Variants in NCOA7 observed in about 807,000 individuals in gnomAD.
The protein encoded by NCOA7 is 140 kDa estrogen receptor-associated protein.
Under a neutral mutation model 104.3 loss-of-function variants are expected in NCOA7, and 45 were observed. That is an observed-to-expected ratio of 0.43 (90% CI 0.34 to 0.55). The LOEUF (loss-of-function observed/expected upper bound fraction) is 0.55. Ranked by LOEUF, NCOA7 falls within the 20% of genes least tolerant of loss-of-function variation. The probability of loss-of-function intolerance (pLI) is 0.02; values close to 1 mark genes in which losing one functional copy is unlikely to be tolerated. For synonymous variants in NCOA7, 398 were observed against 402.3 expected (o/e 0.99, Z 0.13); for missense variants, 1,041 against 1,119.7 (o/e 0.93, Z 1.00).
At chr6:125,825,190 A>AG (rs1171683770) in intron 2 of NCOA7, among the ~76,000 whole-genome samples, 1 of 151,694 alleles carries the variant, frequency 6.6e-6, no homozygotes, top group East Asian at 1.9e-4. Context: ...AAAAAAAAAA[A>AG]AAAGCCAGAC....
chr6:125,835,594 A>C (rs1009820517), intron 2 of NCOA7, among the ~76,000 whole-genome samples: 2 of 152,248 alleles, frequency 1.3e-5, no homozygotes, highest in African/African-American at 2.4e-5. Context: ...ATGCAACAGC[A>C]GGCAAAGCAA....
chr6:125,820,910 A>G (rs1778119091), intron 2 of NCOA7, among the ~76,000 whole-genome samples: 1 of 152,152 alleles, frequency 6.6e-6, no homozygotes, highest in Non-Finnish European at 1.5e-5. Flanking sequence ...GAGAAACCTA[A>G]CAGTCTTTTA....
At chr6:125,921,211 AC>A in intron 12 of NCOA7, 143 bp downstream of exon 12, 2 of 1,108,460 alleles carry the variant, frequency 1.8e-6, no homozygotes, top group Non-Finnish European at 1.2e-6. Flanking sequence ...GGAGTTTGAG[AC>A]CAGACTGGAC....
At chr6:125,918,053 C>T (rs1184785043) in intron 11 of NCOA7, among the ~76,000 whole-genome samples, 1 of 152,160 alleles carries the variant, frequency 6.6e-6, no homozygotes, top group African/African-American at 2.4e-5. Context: ...GGGAGACCAC[C>T]TGGGGAGACA....
At chr6:125,894,353 A>G (rs1005919222) in intron 10 of NCOA7, among the ~76,000 whole-genome samples, 4 of 152,132 alleles carry the variant, frequency 2.6e-5, no homozygotes, top group Non-Finnish European at 4.4e-5. Flanking sequence ...CCTCTGTACC[A>G]TTCTGAAAGT....
At chr6:125,902,495 T>A (rs1249128729) in intron 10 of NCOA7, among the ~76,000 whole-genome samples, 10 of 148,992 alleles carry the variant, frequency 6.7e-5, no homozygotes, top group Admixed American at 6.0e-4. Flanking sequence ...TTTTTTTTTT[T>A]AAAGTGGGGA....
chr6:125,878,693 A>T (rs146157529), intron 5 of NCOA7, among the ~76,000 whole-genome samples: 1 of 152,020 alleles, frequency 6.6e-6, no homozygotes, highest in African/African-American at 2.4e-5. Flanking sequence ...CGATATTTTC[A>T]TATTCACAGG....
intron 10 of NCOA7, among the ~76,000 whole-genome samples, chr6:125,895,987 GTGTC>G (rs1204555774): frequency 6.8e-6 from 1 of 146,298 alleles, no homozygotes; most frequent in Non-Finnish European, 1.5e-5. Context: ...GTGTGTGTGT[GTGTC>G]TGTGTGTGTA....
chr6:125,850,410 T>G (rs1240661768), intron 2 of NCOA7, among the ~76,000 whole-genome samples: 4 of 152,238 alleles, frequency 2.6e-5, no homozygotes, highest in African/African-American at 9.6e-5. Flanking sequence ...TAGCTTTTTT[T>G]CTGAAGTAAC....
At chr6:125,899,287 G>C (rs1371101424) in intron 10 of NCOA7, among the ~76,000 whole-genome samples, 7 of 152,168 alleles carry the variant, frequency 4.6e-5, no homozygotes, top group African/African-American at 1.4e-4. Context: ...TAGTTTTCTA[G>C]CATGAAATCT....
At chr6:125,812,915 C>G (rs941001227) in intron 1 of NCOA7, among the ~76,000 whole-genome samples, 10 of 152,196 alleles carry the variant, frequency 6.6e-5, no homozygotes, top group Admixed American at 3.3e-4. Flanking sequence ...TCATCAGTCT[C>G]CTAAGTATTT....
At chr6:125,827,116 G>A (rs1283050154) in intron 2 of NCOA7, among the ~76,000 whole-genome samples, 1 of 149,452 alleles carries the variant, frequency 6.7e-6, no homozygotes, top group African/African-American at 2.5e-5. Flanking sequence ...GAACCCCGGA[G>A]GCAGAGGTTG....
intron 5 of NCOA7, among the ~76,000 whole-genome samples, chr6:125,878,893 G>C (rs776579114): frequency 6.6e-6 from 1 of 152,200 alleles, no homozygotes; most frequent in Non-Finnish European, 1.5e-5. Flanking sequence ...TGTTGAGGTA[G>C]CACATGTTCT....
chr6:125,847,110 ATG>A (rs1306168565), intron 2 of NCOA7, among the ~76,000 whole-genome samples: 1 of 152,232 alleles, frequency 6.6e-6, no homozygotes, highest in Non-Finnish European at 1.5e-5. Flanking sequence ...AAAATTCAAA[ATG>A]TACAAATGAG....
Position 125,889,301 on chromosome 6 carries a change from T to A in NCOA7, c.1247T>A (p.Phe416Tyr). 1.2e-6 allele frequency: 2 copies of A among 1,614,174 alleles called. No individual in the cohort carries two copies. Among genetic ancestry groups the A allele is most frequent in the Non-Finnish European group, 1.7e-6 (2 of 1,180,008 alleles). ...AACTTTCTAGGGGAAGATGATGATT[T>A]TGTTGACTTGGAAGAACTTTCTTCT... ...KENFLGEDDDFVDLEELSSQT... is the reference protein window; with the variant it reads ...KENFLGEDDDYVDLEELSSQT... The change falls in exon 9 of 16, where the codon TTT becomes TAT. Residue 416 changes from phenylalanine to tyrosine, a missense_variant. This residue lies in a region of NCOA7 where 914 missense variants were observed against 942.7 expected (regional missense o/e 0.97). Coordinates refer to ENST00000392477, the MANE Select transcript of NCOA7 (RefSeq NM_181782.5).
chr6:125,868,011 G>A lies in NCOA7; in HGVS notation c.272-6878G>A, dbSNP rs142393426. On this transcript the variant is annotated intron_variant, in intron 3 of 15. Transcript: ENST00000392477. ...CATTCCTATGAAGAAATTCCTTTTCGTATATACTCTTTAGCGTTGCATTGC... is the reference window on the plus strand; with the variant it reads ...CATTCCTATGAAGAAATTCCTTTTCATATATACTCTTTAGCGTTGCATTGC... Among the ~76,000 whole-genome samples the A allele has an allele frequency of 1.3e-4, 20 of 152,220 alleles. No homozygotes were observed. The East Asian group carries it at 3.7e-3, about 28-fold the overall frequency.
rs1227327921 is a variant in NCOA7 at position 125,925,730 on chromosome 6, A to G, written c.2524-1933A>G. On this transcript the variant is annotated intron_variant, in intron 13 of 15. Coordinates refer to ENST00000392477, the MANE Select transcript of NCOA7 (RefSeq NM_181782.5). The stretch of plus-strand genomic sequence containing the variant: ...AGAGAAGAAGAGCAAATGTACATTT[A>G]TATGTTTTGTTATATGACTTTCCTT... Among the ~76,000 whole-genome samples, 4 of 152,170 alleles carry G rather than the reference A, an allele frequency of 2.6e-5. No homozygotes were observed. The South Asian group carries it at 6.2e-4, about 24-fold the overall frequency.
At chr6:125,895,987 G>C (rs971422071) in intron 10 of NCOA7, among the ~76,000 whole-genome samples, 2 of 146,298 alleles carry the variant, frequency 1.4e-5, no homozygotes, top group African/African-American at 5.2e-5. Flanking sequence ...GTGTGTGTGT[G>C]TGTCTGTGTG....
At chr6:125,922,564 G>C in intron 12 of NCOA7, 118 bp from the exon 13 acceptor site, 1 of 1,145,548 alleles carries the variant, frequency 8.7e-7, no homozygotes, top group Non-Finnish European at 1.2e-6. Flanking sequence ...GAATAAGGAG[G>C]GGCACTATGT....
Sources: gnomAD v4.1 joint callset for allele counts (sites outside exome capture counted in the v4.1 genomes callset) on GRCh38, gnomAD v4.1.1 for gene constraint, gnomAD v4.1.1 regional missense constraint, MANE v1.5 for transcripts, NCBI Gene and HGNC (gene_info 2026-07-23, HGNC 2026-07-21) for gene names.